Variants in PUDP observed in about 807,000 individuals in gnomAD.
PUDP encodes the protein pseudouridine 5'-phosphatase, also known as pseudouridine-5'-phosphatase.
In PUDP, 8 loss-of-function variants were observed where a neutral mutation model predicts 9.4. The ratio of observed to expected loss-of-function variants is 0.85; its 90% CI spans 0.50 to 1.53. The LOEUF is 1.53. Among genes scored for constraint, PUDP ranks in the 40% most tolerant of loss-of-function variants. PUDP has a pLI of 0.00. For synonymous variants in PUDP, 99 were observed against 80.7 expected, an observed-to-expected ratio of 1.23 and a Z score of -1.22; for missense variants, 188 against 189.7, an observed-to-expected ratio of 0.99 and a Z score of 0.05.
At chrX:7,137,813 G>A (rs1207685111) in intron 1 of PUDP, among the ~76,000 whole-genome samples, 2 of 111,962 alleles carry the variant, frequency 1.8e-5, no homozygotes, top group Non-Finnish European at 3.8e-5. Flanking sequence ...CTCTGTCCCC[G>A]GCAGCCTCCT....
chrX:6,707,921 C>T (rs1924489048), intron 1 of PUDP, among the ~76,000 whole-genome samples: 1 of 111,690 alleles, frequency 9.0e-6, no homozygotes, highest in African/African-American at 3.3e-5. Flanking sequence ...GGAGAAGCAC[C>T]TATCATCATA....
intron 3 of PUDP, among the ~76,000 whole-genome samples, chrX:6,903,637 G>T (rs781087738): frequency 9.0e-6 from 1 of 110,950 alleles, no homozygotes; most frequent in African/African-American, 3.3e-5. Context: ...CGTCCTTTAC[G>T]GCAACATGGA....
intron 3 of PUDP, among the ~76,000 whole-genome samples, chrX:6,975,282 A>G (rs2146796207): frequency 9.1e-6 from 1 of 110,220 alleles, no homozygotes; most frequent in African/African-American, 3.3e-5. Flanking sequence ...TCCTTTGGAG[A>G]AGAGGCATTC....
intron 3 of PUDP, among the ~76,000 whole-genome samples, chrX:6,957,908 T>C (rs747991671): frequency 2.7e-5 from 3 of 111,948 alleles, no homozygotes; most frequent in Non-Finnish European, 5.6e-5. Context: ...CCCAGCACTT[T>C]GGAAGACCAA....
chrX:6,782,789 T>C, intron 3 of PUDP, among the ~76,000 whole-genome samples: 1 of 111,750 alleles, frequency 8.9e-6, no homozygotes, highest in Middle Eastern at 4.6e-3. Flanking sequence ...TTTTCTCTGC[T>C]TTGTGTGCAA....
chrX:6,915,558 G>A (rs757874098), intron 3 of PUDP, among the ~76,000 whole-genome samples: 2 of 111,720 alleles, frequency 1.8e-5, no homozygotes, highest in Admixed American at 1.9e-4. Flanking sequence ...CAGTTATGTG[G>A]ACCTTGTATA....
chrX:7,145,244 C>T (rs1932836104), intron 1 of PUDP, among the ~76,000 whole-genome samples: 1 of 112,090 alleles, frequency 8.9e-6, no homozygotes, highest in Non-Finnish European at 1.9e-5. Flanking sequence ...TCATCCAAAT[C>T]AATGTCATCT....
At chrX:6,943,948 TAAAA>T (rs1286057460) in intron 3 of PUDP, among the ~76,000 whole-genome samples, 1 of 112,022 alleles carries the variant, frequency 8.9e-6, no homozygotes, top group Non-Finnish European at 1.9e-5. Flanking sequence ...AAAAAAAAAT[TAAAA>T]AGAAAGAAGT....
At position 6,742,258 on chromosome X, in the gene PUDP, G is replaced by T. The variant is rs191053786; in HGVS notation, c.*248-35792C>A. 2.3e-3 allele frequency among the ~76,000 whole-genome samples: 253 copies of T among 112,365 alleles called. 3 individuals are homozygous for T. Among genetic ancestry groups the T allele is most frequent in the Admixed American group, 4.0e-3 (43 of 10,678 alleles). On this transcript the variant is annotated intron_variant and NMD_transcript_variant, in intron 3 of 3. Coordinates refer to the PUDP transcript ENST00000655425. ...AAACCCTTTTCTGGATTCAGACATT[G>T]AGTGGGTTGATTTAGGCCAAGGTCC...
At chrX:7,104,832 T>C (rs967049939) in intron 2 of PUDP, among the ~76,000 whole-genome samples, 1 of 112,206 alleles carries the variant, frequency 8.9e-6, no homozygotes, top group Non-Finnish European at 1.9e-5. Flanking sequence ...ATATAAATAA[T>C]AACATACATT....
intron 3 of PUDP, among the ~76,000 whole-genome samples, chrX:6,741,768 A>C (rs1258469885): frequency 9.0e-6 from 1 of 111,091 alleles, no homozygotes; most frequent in Admixed American, 9.5e-5. Flanking sequence ...CTCAAAGTAG[A>C]ATACTACATG....
intron 1 of PUDP, among the ~76,000 whole-genome samples, chrX:7,039,376 A>G (rs1929892565): frequency 8.9e-6 from 1 of 112,349 alleles, no homozygotes. Flanking sequence ...GAATTGTGCC[A>G]CGCCTACCCC....
rs1462065871 is a variant in PUDP, at chrX:6,860,468, G to GTTT, written c.*247+116662_*247+116664dup. 4.1e-4 allele frequency among the ~76,000 whole-genome samples: 41 copies of GTTT among 100,435 alleles called. 2 individuals are homozygous for GTTT. The East Asian group carries it at 4.3e-3, about 11-fold the overall frequency. The allele number at this position is 100,435 out of a possible 115,157, so 87.2% of individuals were successfully genotyped here. ...CATGTTTTTCTGTGTGTGGTTTTTT[G>GTTT]TTTTTTGTTTTTTGTTTTTTGAGAC... On this transcript the variant is annotated intron_variant and NMD_transcript_variant, in intron 3 of 3. Coordinates refer to the PUDP transcript ENST00000655425.
chrX:6,962,070 A>G (rs1338744865), intron 3 of PUDP, among the ~76,000 whole-genome samples: 1 of 111,786 alleles, frequency 8.9e-6, no homozygotes, highest in Admixed American at 9.6e-5. Flanking sequence ...AAGTAAAACA[A>G]TCATTTTAAT....
chrX:6,752,937 G>A (rs760616969), intron 3 of PUDP, among the ~76,000 whole-genome samples: 1 of 111,627 alleles, frequency 9.0e-6, no homozygotes, highest in Admixed American at 9.5e-5. Flanking sequence ...TATGCATATA[G>A]ATAGAAATAC....
chrX:6,931,629 G>C (rs1169429954), intron 3 of PUDP, among the ~76,000 whole-genome samples: 2 of 112,154 alleles, frequency 1.8e-5, no homozygotes, highest in Non-Finnish European at 3.8e-5. Flanking sequence ...CAGCCAGTCA[G>C]TATAAATCAG....
At chrX:6,948,557 G>A (rs1054867104) in intron 3 of PUDP, among the ~76,000 whole-genome samples, 4 of 112,101 alleles carry the variant, frequency 3.6e-5, no homozygotes, top group South Asian at 3.7e-4. Flanking sequence ...AGCTGGGGTG[G>A]GGTCCAATGG....
At chrX:7,043,096 A>G (rs1929944047) in intron 1 of PUDP, among the ~76,000 whole-genome samples, 1 of 111,833 alleles carries the variant, frequency 8.9e-6, no homozygotes, top group East Asian at 2.8e-4. Flanking sequence ...CTCTTAGAAT[A>G]TGATTTGAGC....
intron 3 of PUDP, among the ~76,000 whole-genome samples, chrX:6,803,543 T>C (rs895890952): frequency 3.6e-5 from 4 of 112,452 alleles, no homozygotes; most frequent in Non-Finnish European, 5.6e-5. Flanking sequence ...AAAAGAAAGA[T>C]ACTTTAGTGA....
Sources: allele counts gnomAD v4.1 joint callset (sites outside exome capture counted in the v4.1 genomes callset), GRCh38; gene constraint gnomAD v4.1.1; transcripts MANE v1.5; gene names NCBI Gene and HGNC (gene_info 2026-07-23, HGNC 2026-07-21).